DPY19L3: variants seen among roughly 807,000 people sequenced by gnomAD.
The protein encoded by DPY19L3 is protein C-mannosyl-transferase DPY19L3.
In DPY19L3, 51 loss-of-function variants were observed where a neutral mutation model predicts 92.3. That is an observed-to-expected ratio of 0.55 (90% CI 0.44 to 0.70). The LOEUF (loss-of-function observed/expected upper bound fraction) is 0.70. DPY19L3 is among the 30% of genes least tolerant of loss of function. The pLI is 0.00. For missense variants in DPY19L3, 706 were observed against 855.9 expected (o/e 0.82, Z 2.18); for synonymous variants, 309 against 315.2 (o/e 0.98, Z 0.21).
intron 9 of DPY19L3, 29 bp downstream of exon 9, chr19:32,453,305 A>G: frequency 6.3e-7 from 1 of 1,576,708 alleles, no homozygotes; most frequent in Non-Finnish European, 8.6e-7. Context: ...CCTTTATCAA[A>G]GTAAACTTTT....
At chr19:32,469,360 G>T (rs1289651684) in intron 16 of DPY19L3, among the ~76,000 whole-genome samples, 1 of 151,924 alleles carries the variant, frequency 6.6e-6, no homozygotes, top group Non-Finnish European at 1.5e-5. Context: ...AATTAGCCAG[G>T]CATGGTGGCA....
chr19:32,469,618 T>C (rs76664201), intron 16 of DPY19L3, among the ~76,000 whole-genome samples: 286 of 152,286 alleles, frequency 1.9e-3, no homozygotes, highest in African/African-American at 6.5e-3. Flanking sequence ...TAACTCATCA[T>C]ATTGCCAAAG....
At chr19:32,436,257 T>A (rs1307636775) in intron 4 of DPY19L3, among the ~76,000 whole-genome samples, 189 bp from the exon 5 acceptor site, 1 of 152,246 alleles carries the variant, frequency 6.6e-6, no homozygotes, top group Non-Finnish European at 1.5e-5. Context: ...TTTGTGTAAA[T>A]GTTTAAATGA....
At chr19:32,467,031 A>G (rs1450253120) in intron 15 of DPY19L3, among the ~76,000 whole-genome samples, 2 of 152,170 alleles carry the variant, frequency 1.3e-5, no homozygotes, top group South Asian at 2.1e-4. Context: ...CATACTACCA[A>G]TTTTGCTGTA....
At chr19:32,416,665 G>C (rs966634207) in intron 3 of DPY19L3, among the ~76,000 whole-genome samples, 8 of 152,192 alleles carry the variant, frequency 5.3e-5, no homozygotes, top group African/African-American at 1.4e-4. Context: ...CCAAGTCTTC[G>C]AGGGTCCCAT....
intron 11 of DPY19L3, 34 bp downstream of exon 11, chr19:32,458,207 T>C: frequency 6.2e-7 from 1 of 1,601,050 alleles, no homozygotes; most frequent in Non-Finnish European, 8.5e-7. Flanking sequence ...GTTTGCTATT[T>C]TCTATTGAAT....
rs1969820757 is a variant in DPY19L3, at chr19:32,454,962, CCTTA to C, written c.1012_1015del (p.Leu338IlefsTer16). On this transcript the variant is annotated frameshift_variant, in exon 10 of 19. Transcript: ENST00000392250. LOFTEE classifies it high-confidence loss of function. ...AGAAAAATCTGAAAACTGGAAGCTTCCTTAATAGGCTTGGGAAACTTTTGTTACA... is the reference window on the plus strand; with the variant it reads ...AGAAAAATCTGAAAACTGGAAGCTTCATAGGCTTGGGAAACTTTTGTTACA... 6.4e-7 allele frequency: 1 copy of C among 1,567,528 alleles called. No individual in the cohort carries two copies. The highest frequency in any genetic ancestry group is 1.4e-5 in the African/African-American group (1 of 71,718).
chr19:32,446,673 C>A (rs1969509196), intron 8 of DPY19L3, among the ~76,000 whole-genome samples: 1 of 152,132 alleles, frequency 6.6e-6, no homozygotes, highest in Non-Finnish European at 1.5e-5. Context: ...AAATAGCAAT[C>A]CTAAGTGTAC....
intron 15 of DPY19L3, among the ~76,000 whole-genome samples, chr19:32,466,537 CT>C (rs1970207360): frequency 6.6e-6 from 1 of 152,250 alleles, no homozygotes; most frequent in African/African-American, 2.4e-5. Context: ...CACGTCTCCC[CT>C]GGCTACAACC....
intron 17 of DPY19L3, among the ~76,000 whole-genome samples, chr19:32,478,968 T>A (rs1224539325): frequency 2.2e-5 from 2 of 92,754 alleles, no homozygotes; most frequent in Non-Finnish European, 4.7e-5. Context: ...TCAAGTCCTC[T>A]CTCTACAGGT....
At chr19:32,460,899 G>A (rs76658836) in intron 12 of DPY19L3, among the ~76,000 whole-genome samples, 112 of 124,406 alleles carry the variant, frequency 9.0e-4, no homozygotes, top group African/African-American at 3.1e-3. Flanking sequence ...AATGCATCTC[G>A]CTCTTGCCTG....
intron 3 of DPY19L3, among the ~76,000 whole-genome samples, chr19:32,426,158 A>G (rs1234307528): frequency 6.6e-6 from 1 of 152,198 alleles, no homozygotes; most frequent in Non-Finnish European, 1.5e-5. Context: ...CCTCAACCTC[A>G]TGAACCAACC....
At chr19:32,435,660 T>C (rs552161963) in intron 4 of DPY19L3, among the ~76,000 whole-genome samples, 20 of 152,360 alleles carry the variant, frequency 1.3e-4, no homozygotes, top group Non-Finnish European at 1.2e-4. Context: ...AGGTGAGAAC[T>C]AGCATCCCTC....
chr19:32,452,029 A>G (rs186247457), intron 8 of DPY19L3, among the ~76,000 whole-genome samples: 5 of 151,892 alleles, frequency 3.3e-5, no homozygotes, highest in East Asian at 3.9e-4. Context: ...CGGTCTCGCT[A>G]TGTTGCCCAG....
chr19:32,463,625 C>T (rs1447158560), intron 13 of DPY19L3, 137 bp downstream of exon 13: 3 of 1,104,952 alleles, frequency 2.7e-6, no homozygotes, highest in African/African-American at 3.1e-5. Flanking sequence ...CCTATCTTCT[C>T]TCAGTATAAA....
At chr19:32,447,766 TAGATA>T (rs1568343835) in intron 8 of DPY19L3, among the ~76,000 whole-genome samples, 42 of 144,930 alleles carry the variant, frequency 2.9e-4, no homozygotes, top group African/African-American at 8.5e-4. Context: ...GATAGATAGA[TAGATA>T]GATAGATTAG....
Position 32,429,188 on chromosome 19 carries a change from A to G in DPY19L3, c.238-3528A>G, listed in dbSNP as rs566630744. On this transcript the variant is annotated intron_variant, in intron 3 of 18. Coordinates refer to ENST00000392250, the MANE Select transcript of DPY19L3 (RefSeq NM_001172774.2). ...ATAAATACAAGTCTTTTGTCTTTCCACTTCTTTCTGTCATTATCTTCGAAG... is the reference window on the plus strand; with the variant it reads ...ATAAATACAAGTCTTTTGTCTTTCCGCTTCTTTCTGTCATTATCTTCGAAG... Among the ~76,000 whole-genome samples the G allele has an allele frequency of 4.6e-5, 7 of 152,054 alleles. No individual in the cohort carries two copies. The East Asian group carries it at 9.7e-4, about 21-fold the overall frequency.
chr19:32,456,146 G>A (rs1787774815), intron 10 of DPY19L3, among the ~76,000 whole-genome samples: 2 of 139,060 alleles, frequency 1.4e-5, no homozygotes, highest in Admixed American at 1.6e-4. Flanking sequence ...TGTGGTCATG[G>A]CTCACTGCAG....
At chr19:32,443,786 G>A (rs138267421) in intron 8 of DPY19L3, among the ~76,000 whole-genome samples, 5 of 152,270 alleles carry the variant, frequency 3.3e-5, no homozygotes, top group East Asian at 1.9e-4. Context: ...TAGGCCGAGC[G>A]CAGTGGCTCA....
Sources: gnomAD v4.1 joint callset for allele counts (sites outside exome capture counted in the v4.1 genomes callset) on GRCh38, gnomAD v4.1.1 for gene constraint, MANE v1.5 for transcripts, NCBI Gene and HGNC (gene_info 2026-07-23, HGNC 2026-07-21) for gene names.